The following RHOBTB1 variants were observed in gnomAD, a reference collection of about 807,000 sequenced individuals.
RHOBTB1 encodes rho-related BTB domain-containing protein 1.
RHOBTB1 carries 40 observed loss-of-function variants against 71.6 expected under a neutral mutation model. The ratio of observed to expected loss-of-function variants is 0.56; its 90% CI spans 0.43 to 0.73. The LOEUF (loss-of-function observed/expected upper bound fraction) is 0.73. Ranked by LOEUF, RHOBTB1 falls within the 30% of genes least tolerant of loss-of-function variation. The pLI is 0.00. For synonymous variants in RHOBTB1, 319 were observed against 334.9 expected (o/e 0.95, Z 0.52); for missense variants, 797 against 894.0 (o/e 0.89, Z 1.38).
intron 2 of RHOBTB1, among the ~76,000 whole-genome samples, chr10:60,965,914 T>G (rs979390510): frequency 6.7e-6 from 1 of 150,158 alleles, no homozygotes; most frequent in Non-Finnish European, 1.5e-5. Flanking sequence ...AACTGATATT[T>G]AAAAAAAAAA....
intron 1 of RHOBTB1, among the ~76,000 whole-genome samples, chr10:60,999,134 C>T (rs989228623): frequency 1.3e-5 from 2 of 152,086 alleles, no homozygotes; most frequent in African/African-American, 4.8e-5. Context: ...CAAATCAAGA[C>T]AAAGTAGAGC....
intron 2 of RHOBTB1, among the ~76,000 whole-genome samples, chr10:60,951,321 A>C (rs773169902): frequency 6.4e-5 from 9 of 141,098 alleles, no homozygotes; most frequent in Non-Finnish European, 1.4e-4. Context: ...TGGCACCACC[A>C]CTCCTTTCAT....
chr10:60,900,277 G>A (rs1564870013), intron 4 of RHOBTB1, among the ~76,000 whole-genome samples: 1 of 152,164 alleles, frequency 6.6e-6, no homozygotes, highest in African/African-American at 2.4e-5. Flanking sequence ...TAAGAGGTAA[G>A]AATTCCGAGA....
chr10:60,963,607 A>T (rs2134557944), intron 2 of RHOBTB1, among the ~76,000 whole-genome samples: 1 of 152,256 alleles, frequency 6.6e-6, no homozygotes, highest in South Asian at 2.1e-4. Context: ...ACATGAGGTC[A>T]TGTGTTCCAT....
At chr10:60,890,556 C>T (rs577539089) in intron 5 of RHOBTB1, among the ~76,000 whole-genome samples, 11 of 152,178 alleles carry the variant, frequency 7.2e-5, no homozygotes, top group African/African-American at 2.7e-4. Flanking sequence ...TAGATGGGTT[C>T]CAGAACACAG....
At chr10:60,891,354 T>G (rs1031093214) in intron 5 of RHOBTB1, among the ~76,000 whole-genome samples, 1 of 142,856 alleles carries the variant, frequency 7.0e-6, no homozygotes, top group African/African-American at 2.6e-5. Flanking sequence ...TTTTTTTTTT[T>G]TTTTGAGACA....
At chr10:60,920,234 C>T (rs2083480744) in intron 2 of RHOBTB1, among the ~76,000 whole-genome samples, 1 of 152,070 alleles carries the variant, frequency 6.6e-6, no homozygotes, top group Non-Finnish European at 1.5e-5. Context: ...GAAAAGCAAG[C>T]CAGCGGTGGT....
the RHOBTB1 span, among the ~76,000 whole-genome samples, chr10:60,862,076 G>A: frequency 4.2e-3 from 629 of 151,146 alleles, 1 homozygote; most frequent in African/African-American, 0.014. Context: ...TCCTCCCTTC[G>A]TTCCATCCTT....
chr10:60,896,338 AGT>A (rs2082160107), intron 4 of RHOBTB1, among the ~76,000 whole-genome samples: 1 of 152,216 alleles, frequency 6.6e-6, no homozygotes, highest in Non-Finnish European at 1.5e-5. Flanking sequence ...GGGAGTGGTG[AGT>A]GTGATGAGGA....
chr10:60,960,435 A>C (rs143464268), intron 2 of RHOBTB1, among the ~76,000 whole-genome samples: 48 of 152,324 alleles, frequency 3.2e-4, no homozygotes, highest in Non-Finnish European at 6.3e-4. Flanking sequence ...TCACACAAAC[A>C]AAATGGCCCC....
intron 2 of RHOBTB1, among the ~76,000 whole-genome samples, chr10:60,985,500 T>G (rs2086632722): frequency 1.3e-5 from 2 of 152,224 alleles, no homozygotes; most frequent in South Asian, 4.1e-4. Flanking sequence ...CCATGACTTT[T>G]CAGAGTCCAC....
At chr10:60,903,738 G>T (rs1346410391) in intron 4 of RHOBTB1, among the ~76,000 whole-genome samples, 1 of 152,070 alleles carries the variant, frequency 6.6e-6, no homozygotes, top group Admixed American at 6.5e-5. Flanking sequence ...TCTGAGAAAA[G>T]GGAACCAGCA....
At chr10:60,986,404 G>T (rs895921884) in intron 1 of RHOBTB1, among the ~76,000 whole-genome samples, 5 of 67,634 alleles carry the variant, frequency 7.4e-5, no homozygotes, top group East Asian at 1.5e-3. Flanking sequence ...ATAAATAAAA[G>T]ATATATATAT....
chr10:60,911,586 A>G (rs1253923803), intron 2 of RHOBTB1, 34 bp from the exon 3 acceptor site: 1 of 1,556,272 alleles, frequency 6.4e-7, no homozygotes, highest in South Asian at 1.1e-5. Flanking sequence ...CAGTAAGGAC[A>G]CCAAGGCTTT....
At chr10:60,914,434 G>T (rs1013286243) in intron 2 of RHOBTB1, among the ~76,000 whole-genome samples, 7 of 152,096 alleles carry the variant, frequency 4.6e-5, no homozygotes, top group South Asian at 2.1e-4. Flanking sequence ...TGTCCTCAGT[G>T]GTGGGAAACC....
At chr10:60,894,824 T>A (rs1421726509) in intron 4 of RHOBTB1, among the ~76,000 whole-genome samples, 2 of 152,248 alleles carry the variant, frequency 1.3e-5, no homozygotes, top group Non-Finnish European at 2.9e-5. Context: ...TCTATTTCCC[T>A]ATTAAGACAC....
chr10:60,977,317 T>C lies in RHOBTB1; in HGVS notation c.-62+8528A>G, dbSNP rs192550046. Among the ~76,000 whole-genome samples, 645 of 152,186 alleles carry C rather than the reference T, an allele frequency of 4.2e-3. 1 individual carries two copies. Among genetic ancestry groups the C allele is most frequent in the Non-Finnish European group, 7.1e-3 (483 of 67,972 alleles). ...ATGCAATATGGAGAAATAATGCCAA[T>C]GACAGCTTCATGGGGTGTTGCCCTA... On this transcript the variant is annotated intron_variant, in intron 2 of 11. Transcript: ENST00000357917.
intron 2 of RHOBTB1, among the ~76,000 whole-genome samples, chr10:60,919,760 A>T (rs1200404616): frequency 6.6e-6 from 1 of 152,192 alleles, no homozygotes; most frequent in Non-Finnish European, 1.5e-5. Flanking sequence ...TCCGCTCATG[A>T]TTCTCACCAG....
chr10:60,952,130 T>A (rs2085433827), intron 2 of RHOBTB1, among the ~76,000 whole-genome samples: 1 of 151,700 alleles, frequency 6.6e-6, no homozygotes, highest in South Asian at 2.1e-4. Context: ...TAATTTCTTT[T>A]AATCACTCAT....
Sources: gnomAD v4.1 joint callset for allele counts (sites outside exome capture counted in the v4.1 genomes callset) on GRCh38, gnomAD v4.1.1 for gene constraint, MANE v1.5 for transcripts, NCBI Gene and HGNC (gene_info 2026-07-23, HGNC 2026-07-21) for gene names.